Variants in PLD1 observed in about 807,000 individuals in gnomAD.
PLD1 encodes the protein phospholipase D1, also known as choline phosphatase 1.
Under a neutral mutation model 137.1 loss-of-function variants are expected in PLD1, and 112 were observed. That is an observed-to-expected ratio of 0.82 (90% confidence interval 0.70 to 0.96). The LOEUF is 0.96. Ranked by LOEUF, PLD1 falls within the 40% of genes least tolerant of loss-of-function variation. PLD1 has a pLI of 0.00. For synonymous variants in PLD1, 431 were observed against 454.7 expected (o/e 0.95, Z 0.66); for missense variants, 1,321 against 1,342.0 (o/e 0.98, Z 0.24).
At chr3:171,764,910 AG>A (rs1721796089) in intron 1 of PLD1, among the ~76,000 whole-genome samples, 1 of 34,910 alleles carries the variant, frequency 2.9e-5, no homozygotes, top group East Asian at 4.0e-4. Context: ...GAAGGAAGGA[AG>A]GAAAGAAAGA....
intron 19 of PLD1, among the ~76,000 whole-genome samples, chr3:171,664,662 T>C (rs1041186757): frequency 8.5e-5 from 13 of 152,124 alleles, no homozygotes; most frequent in Non-Finnish European, 1.9e-4. Flanking sequence ...TTTTGCCATG[T>C]TGGCCAGGCT....
At chr3:171,609,742 T>C (rs1333659205) in intron 25 of PLD1, among the ~76,000 whole-genome samples, 1 of 151,998 alleles carries the variant, frequency 6.6e-6, no homozygotes, top group Non-Finnish European at 1.5e-5. Flanking sequence ...CGTTGGAGAC[T>C]CCAAAAGGTG....
At chr3:171,630,840 A>T (rs1734597155) in intron 23 of PLD1, among the ~76,000 whole-genome samples, 2 of 134,828 alleles carry the variant, frequency 1.5e-5, no homozygotes, top group Admixed American at 8.6e-5. Flanking sequence ...CAGGAAGGGG[A>T]ACATCACACT....
At chr3:171,701,088 T>C (rs1716198969) in intron 11 of PLD1, among the ~76,000 whole-genome samples, 1 of 152,032 alleles carries the variant, frequency 6.6e-6, no homozygotes, top group Non-Finnish European at 1.5e-5. Flanking sequence ...GCTAAAGAGA[T>C]TAAAAGAAAT....
At chr3:171,614,586 G>A (rs531576632) in intron 24 of PLD1, among the ~76,000 whole-genome samples, 17 of 152,248 alleles carry the variant, frequency 1.1e-4, no homozygotes, top group East Asian at 3.9e-4. Context: ...CATAGGAACC[G>A]ACCATTTGAT....
chr3:171,699,874 G>T (rs1180203148), intron 11 of PLD1, 48 bp from the exon 12 acceptor site: 2 of 1,459,354 alleles, frequency 1.4e-6, no homozygotes, highest in Non-Finnish European at 1.9e-6. Flanking sequence ...AAAATATAAA[G>T]TTCTGATTGT....
chr3:171,710,869 G>GTTTTT (rs1281179100), intron 9 of PLD1, among the ~76,000 whole-genome samples: 3 of 98,680 alleles, frequency 3.0e-5, no homozygotes, highest in African/African-American at 1.1e-4. Flanking sequence ...TAGGAAAACT[G>GTTTTT]TTCTTTTTTT....
chr3:171,603,771 T>G (rs559888110), intron 26 of PLD1, among the ~76,000 whole-genome samples: 1 of 152,190 alleles, frequency 6.6e-6, no homozygotes, highest in Non-Finnish European at 1.5e-5. Context: ...CCCTGAATAC[T>G]TCTCTGCAGG....
intron 1 of PLD1, among the ~76,000 whole-genome samples, chr3:171,794,836 G>A (rs1430792119): frequency 6.6e-6 from 1 of 152,102 alleles, no homozygotes; most frequent in African/African-American, 2.4e-5. Context: ...ACCATGACTA[G>A]GCTATGGATA....
chr3:171,730,742 G>A (rs963508021), intron 6 of PLD1, among the ~76,000 whole-genome samples: 2 of 150,994 alleles, frequency 1.3e-5, no homozygotes, highest in East Asian at 1.9e-4. Context: ...GGGTTCAAGC[G>A]ATTCTTCTGT....
chr3:171,660,578 A>T (rs1159471482), intron 20 of PLD1, among the ~76,000 whole-genome samples: 4 of 152,100 alleles, frequency 2.6e-5, no homozygotes, highest in African/African-American at 7.2e-5. Context: ...TGTCACATTA[A>T]AAAGAAAAGC....
intron 1 of PLD1, among the ~76,000 whole-genome samples, chr3:171,779,138 G>A (rs1414728048): frequency 3.3e-5 from 5 of 152,176 alleles, no homozygotes; most frequent in Non-Finnish European, 5.9e-5. Context: ...GCAGTGAGCC[G>A]AGATCGTGCT....
At chr3:171,771,526 G>T (rs1434954143) in intron 1 of PLD1, 1 of 152,228 alleles carries the variant, frequency 6.6e-6, no homozygotes, top group Non-Finnish European at 1.5e-5. Flanking sequence ...CTGCACTTTT[G>T]TACTTGCTGC....
At chr3:171,677,832 T>G in intron 16 of PLD1, 138 bp from the exon 17 acceptor site, 1 of 774,556 alleles carries the variant, frequency 1.3e-6, no homozygotes, top group Non-Finnish European at 2.0e-6. Flanking sequence ...GTCCATTCTA[T>G]TACAGGCTGT....
intron 9 of PLD1, among the ~76,000 whole-genome samples, chr3:171,713,402 G>C (rs1157200950): frequency 2.0e-5 from 3 of 152,224 alleles, no homozygotes; most frequent in Admixed American, 6.5e-5. Flanking sequence ...TAGAGTTTCA[G>C]TGAGTGAAGG....
chr3:171,646,709 A>T (rs1736254921), intron 21 of PLD1, among the ~76,000 whole-genome samples: 1 of 151,878 alleles, frequency 6.6e-6, no homozygotes, highest in African/African-American at 2.4e-5. Flanking sequence ...AACCTAAGCT[A>T]TTAAGCTATT....
In PLD1 at chr3:171,731,704, G is replaced by A. The variant is rs548053918; in HGVS notation, c.606+1740C>T. ...GGGGAATCACTTGAACCCGGGAGGC[G>A]GCGGTTGCAGTGAGCCGAGATCATG... On this transcript the variant is annotated intron_variant, in intron 6 of 26. Coordinates refer to ENST00000351298, the MANE Select transcript of PLD1 (RefSeq NM_002662.5). 2.0e-4 allele frequency among the ~76,000 whole-genome samples: 30 copies of A among 152,042 alleles called. No homozygotes were observed. The South Asian group carries it at 4.6e-3, about 23-fold the overall frequency.
At chr3:171,698,589 G>A (rs557165534) in intron 12 of PLD1, among the ~76,000 whole-genome samples, 50 of 152,178 alleles carry the variant, frequency 3.3e-4, no homozygotes, top group African/African-American at 1.1e-3. Context: ...ATGAGTGAAA[G>A]CTATGAGAAA....
chr3:171,686,722 G>A lies in PLD1; in HGVS notation c.1830C>T (p.Ser610=). ...LKPHFKLFHP[S]SESEQGLTRP... ...TAGTGAGTCCTTGCTCAGACTCACT[G>A]GACGGGTGAAAGAGTTTGAAGTGGG... The change falls in exon 16 of 27, where the codon TCC becomes TCT. Residue 610 remains serine (S), a synonymous_variant. Coordinates refer to ENST00000351298, the MANE Select transcript of PLD1 (RefSeq NM_002662.5). 6.2e-7 allele frequency: 1 copy of A among 1,607,520 alleles called. No homozygotes were observed. Among genetic ancestry groups the A allele is most frequent in the Non-Finnish European group, 8.5e-7 (1 of 1,174,076 alleles).
Sources: gnomAD v4.1 joint callset for allele counts (sites outside exome capture counted in the v4.1 genomes callset) on GRCh38, gnomAD v4.1.1 for gene constraint, MANE v1.5 for transcripts, NCBI Gene and HGNC (gene_info 2026-07-23, HGNC 2026-07-21) for gene names.